The following SORCS2 variants were observed in gnomAD, a reference collection of about 807,000 sequenced individuals.
SORCS2 encodes sortilin related VPS10 domain containing receptor 2.
SORCS2 carries 100 observed loss-of-function variants against 141.6 expected under a neutral mutation model. The ratio of observed to expected loss-of-function variants is 0.71; its 90% CI spans 0.60 to 0.83. The LOEUF (loss-of-function observed/expected upper bound fraction) is 0.83, where lower values mean the gene tolerates loss of function less well. Ranked by LOEUF, SORCS2 falls within the 40% of genes least tolerant of loss-of-function variation. SORCS2 has a pLI of 0.00. For missense variants in SORCS2, 1,646 were observed against 1,560.2 expected, an observed-to-expected ratio of 1.05 and a Z score of -0.93; for synonymous variants, 789 against 676.9, an observed-to-expected ratio of 1.17 and a Z score of -2.57.
intron 2 of SORCS2, among the ~76,000 whole-genome samples, chr4:7,496,225 C>G (rs1448312454): frequency 2.0e-5 from 3 of 152,130 alleles, no homozygotes; most frequent in Admixed American, 2.0e-4. Flanking sequence ...TCTCACGACA[C>G]CCTCCTGGAA....
intron 3 of SORCS2, among the ~76,000 whole-genome samples, chr4:7,567,586 C>T (rs1208597138): frequency 6.6e-6 from 1 of 152,178 alleles, no homozygotes; most frequent in Admixed American, 6.5e-5. Flanking sequence ...CAGGACTTAC[C>T]ACTGTTGACA....
chr4:7,416,013 A>G (rs1170437728), intron 2 of SORCS2, among the ~76,000 whole-genome samples: 1 of 152,216 alleles, frequency 6.6e-6, no homozygotes, highest in African/African-American at 2.4e-5. Context: ...GGCATGTAGC[A>G]GCCTGGTGTG....
At chr4:7,438,824 C>A (rs1482026431) in intron 2 of SORCS2, among the ~76,000 whole-genome samples, 1 of 152,164 alleles carries the variant, frequency 6.6e-6, no homozygotes, top group African/African-American at 2.4e-5. Flanking sequence ...TGTCCACCTA[C>A]CTAGTCACCT....
At chr4:7,655,603 C>G (rs1439730274) in intron 5 of SORCS2, among the ~76,000 whole-genome samples, 1 of 152,246 alleles carries the variant, frequency 6.6e-6, no homozygotes, top group African/African-American at 2.4e-5. Flanking sequence ...GCCGTTGGCT[C>G]ATGGGGAGAG....
chr4:7,639,651 ATG>A (rs1720513672), intron 4 of SORCS2, among the ~76,000 whole-genome samples: 3 of 143,720 alleles, frequency 2.1e-5, no homozygotes, highest in Admixed American at 2.1e-4. Flanking sequence ...GTGTATATGA[ATG>A]TGAGTGTGTG....
intron 1 of SORCS2, among the ~76,000 whole-genome samples, chr4:7,360,360 C>G (rs1229493030): frequency 6.6e-6 from 1 of 152,076 alleles, no homozygotes; most frequent in African/African-American, 2.4e-5. Context: ...CCCTGCCTGA[C>G]ACGAAACACT....
chr4:7,448,638 T>C (rs1333810074), intron 2 of SORCS2, among the ~76,000 whole-genome samples: 29 of 128,872 alleles, frequency 2.3e-4, no homozygotes, highest in African/African-American at 8.1e-4. Context: ...TCCTTATTTC[T>C]TGCCTGCCTT....
chr4:7,310,513 G>A (rs1489793887), intron 1 of SORCS2: 5 of 154,260 alleles, frequency 3.2e-5, no homozygotes, highest in South Asian at 4.1e-4. Context: ...GAAGTATACC[G>A]AAGTCATACT....
At chr4:7,611,509 G>T (rs1291623706) in intron 3 of SORCS2, among the ~76,000 whole-genome samples, 1 of 152,176 alleles carries the variant, frequency 6.6e-6, no homozygotes, top group African/African-American at 2.4e-5. Context: ...GTCATCCATT[G>T]TTCATGTCTT....
intron 3 of SORCS2, among the ~76,000 whole-genome samples, chr4:7,610,550 G>A (rs1718338906): frequency 6.6e-6 from 1 of 152,196 alleles, no homozygotes; most frequent in Non-Finnish European, 1.5e-5. Flanking sequence ...TCAAGAAACA[G>A]CCGGGCCATA....
chr4:7,531,961 T>A (rs1474144610), intron 3 of SORCS2, among the ~76,000 whole-genome samples: 2 of 152,258 alleles, frequency 1.3e-5, no homozygotes, highest in African/African-American at 2.4e-5. Flanking sequence ...GCAGCTCTCT[T>A]GGGCTGGGAG....
intron 1 of SORCS2, among the ~76,000 whole-genome samples, chr4:7,326,545 T>A (rs776909795): frequency 6.6e-6 from 1 of 152,178 alleles, no homozygotes; most frequent in African/African-American, 2.4e-5. Flanking sequence ...GGCAGACTCA[T>A]CACCTGAACT....
At position 7,723,873 on chromosome 4, in the gene SORCS2, C is replaced by G. The variant is rs1386571999; in HGVS notation, c.2601C>G (p.Val867=). The change falls in exon 19 of 27, where the codon GTC becomes GTG. Residue 867 remains valine, a synonymous_variant. Coordinates refer to ENST00000507866, the MANE Select transcript of SORCS2 (RefSeq NM_020777.3). The part of the protein sequence containing the change: ...TAGHDEAVLF[V]QVNSPLQALY... ...GCCACGATGAGGCGGTGCTCTTTGT[C>G]CAGGTCAACTGTAAGTTTATTGCCC... 4 of 1,605,040 alleles carry G rather than the reference C, an allele frequency of 2.5e-6. No homozygotes were observed. Among genetic ancestry groups the G allele is most frequent in the Non-Finnish European group, 3.4e-6 (4 of 1,178,236 alleles).
chr4:7,704,564 C>A (rs1253420108), intron 14 of SORCS2, among the ~76,000 whole-genome samples: 1 of 152,228 alleles, frequency 6.6e-6, no homozygotes, highest in African/African-American at 2.4e-5. Flanking sequence ...GGGCCTGACA[C>A]CCAGACAGAT....
intron 1 of SORCS2, among the ~76,000 whole-genome samples, chr4:7,244,702 C>T (rs1453447323): frequency 6.6e-6 from 1 of 152,238 alleles, no homozygotes; most frequent in Admixed American, 6.5e-5. Flanking sequence ...ACACTCTCAC[C>T]CATTCCTACC....
intron 1 of SORCS2, among the ~76,000 whole-genome samples, chr4:7,388,250 C>G (rs954918437): frequency 1.3e-5 from 2 of 152,200 alleles, no homozygotes; most frequent in Non-Finnish European, 2.9e-5. Flanking sequence ...GCTGCAGTGA[C>G]TGGGAGGACA....
intron 2 of SORCS2, among the ~76,000 whole-genome samples, chr4:7,479,688 C>T (rs531246566): frequency 2.5e-5 from 3 of 118,616 alleles, no homozygotes; most frequent in African/African-American, 1.2e-4. Context: ...CCCTCTTCTC[C>T]TCCTCTCCAT....
At chr4:7,726,459 C>T (rs1727225060) in intron 20 of SORCS2, among the ~76,000 whole-genome samples, 1 of 152,104 alleles carries the variant, frequency 6.6e-6, no homozygotes, top group African/African-American at 2.4e-5. Flanking sequence ...TGTGTAGGCC[C>T]AGCTACATGG....
chr4:7,360,446 A>G (rs1344585820), intron 1 of SORCS2, among the ~76,000 whole-genome samples: 1 of 151,588 alleles, frequency 6.6e-6, no homozygotes, highest in Non-Finnish European at 1.5e-5. Context: ...GGCCCCTGTG[A>G]GCCATTCCAT....
Sources: allele counts gnomAD v4.1 joint callset (sites outside exome capture counted in the v4.1 genomes callset), GRCh38; gene constraint gnomAD v4.1.1; transcripts MANE v1.5; gene names NCBI Gene and HGNC (gene_info 2026-07-23, HGNC 2026-07-21).